The following AATK variants were observed in gnomAD, a reference collection of about 807,000 sequenced individuals.
AATK encodes the protein lemur tail kinase 1, also known as serine/threonine-protein kinase LMTK1.
A neutral mutation model predicts 114.3 loss-of-function variants in AATK; 91 were observed. The ratio of observed to expected loss-of-function variants is 0.80; its 90% confidence interval spans 0.67 to 0.95. The LOEUF (loss-of-function observed/expected upper bound fraction) is 0.95, where lower values mean the gene tolerates loss of function less well. Among genes scored for constraint, AATK ranks in the 40% least tolerant of loss-of-function variants. AATK has a pLI of 0.00. For missense variants in AATK, 2,176 were observed against 1,965.2 expected, an observed-to-expected ratio of 1.11 and a Z score of -2.03; for synonymous variants, 1,075 against 916.5, an observed-to-expected ratio of 1.17 and a Z score of -3.12.
intron 13 of AATK, among the ~76,000 whole-genome samples, 168 bp downstream of exon 13, chr17:81,119,212 G>T (rs1399318465): frequency 6.9e-6 from 1 of 144,650 alleles, no homozygotes; most frequent in South Asian, 2.2e-4. Flanking sequence ...AGGGCCAGGC[G>T]GGGTCCAGGC....
chr17:81,123,225 G>A lies in AATK; in HGVS notation c.1081C>T (p.Pro361Ser). The change falls in exon 10 of 14, where the codon CCC becomes TCC. Residue 361 changes from proline to serine, a missense_variant. Physicochemically the swap from Pro to Ser is moderately conservative, Grantham distance 74. Transcript: ENST00000326724. ...TCCGACAGGGTCAGCTGCAGCTGGG[G>A]CTTGGGCAGCTTGAGCTGCTGCTCC... Reference protein sequence around the residue: ...VREQQLKLPKPQLQLTLSDRW... With the variant: ...VREQQLKLPKSQLQLTLSDRW... The A allele has an allele frequency of 7.0e-7, 1 of 1,422,196 alleles. No homozygotes were observed. The highest frequency in any genetic ancestry group is 9.2e-7 in the Non-Finnish European group (1 of 1,088,778). 88.1% of individuals were successfully genotyped at this position (1,422,196 alleles called of 1,614,324 possible).
chr17:81,151,822 C>T (rs868088279), intron 1 of AATK, among the ~76,000 whole-genome samples: 1 of 152,216 alleles, frequency 6.6e-6, no homozygotes, highest in African/African-American at 2.4e-5. Context: ...GGGAGATGCA[C>T]ATGGTGGCCA....
At position 81,143,210 on chromosome 17, in the gene AATK, C is replaced by T. The variant is rs896945483; in HGVS notation, c.56-8709G>A. ...ACCTGGCTCGATGAGCCCCCACCCC[C>T]GCAACGTGCACACGTCCCAGGCGGA... On this transcript the variant is annotated intron_variant, in intron 1 of 13. Coordinates refer to ENST00000326724, the MANE Select transcript of AATK (RefSeq NM_001080395.3). 5.3e-5 allele frequency among the ~76,000 whole-genome samples: 8 copies of T among 152,046 alleles called. No homozygotes were observed. In the East Asian group the frequency reaches 5.8e-4, roughly 11 times the overall value.
chr17:81,126,047 C>A lies in AATK; in HGVS notation c.755+380G>T, dbSNP rs1199538171. 7 of 483,846 alleles carry A rather than the reference C, an allele frequency of 1.4e-5. No homozygotes were observed. Among genetic ancestry groups the A allele is most frequent in the East Asian group, 6.4e-5 (1 of 15,642 alleles). The allele number at this position is 483,846 out of a possible 1,614,324, so 30.0% of individuals were successfully genotyped here. On this transcript the variant is annotated intron_variant, in intron 7 of 13. Coordinates refer to ENST00000326724, the MANE Select transcript of AATK (RefSeq NM_001080395.3). This position sits in a 1 kb window ranked among gnomAD's most constrained non-coding sequence, Gnocchi z 5.1. ...GGTCCCCAGGGGCTGGGCATCCTGG[C>A]CCAAGCAGGACAGAACCCTCCCTCC...
In AATK at chr17:81,120,823, C is replaced by T. The variant is rs2060689924; in HGVS notation, c.3113G>A (p.Cys1038Tyr). Residue 1038 changes from cysteine to tyrosine, a missense_variant, in exon 11 of 14, where the codon TGT becomes TAT. Cys to Tyr is a radical substitution (Grantham distance 194). This residue lies in a region of AATK where 1,701 missense variants were observed against 1,394.7 expected (regional missense o/e 1.22). Coordinates refer to ENST00000326724, the MANE Select transcript of AATK (RefSeq NM_001080395.3). ...PSTGQPSEQV[C>Y]LRPGVSGEAQ... is the part of the protein sequence containing the mutation. The stretch of plus-strand genomic sequence containing the variant: ...CTCCCCGGAAACCCCAGGCCTGAGA[C>T]AGACCTGCTCAGACGGCTGCCCAGT... 3 of 1,576,102 alleles carry T rather than the reference C, an allele frequency of 1.9e-6. No individual in the cohort carries two copies. Among genetic ancestry groups the T allele is most frequent in the Non-Finnish European group, 2.6e-6 (3 of 1,161,376 alleles).
At chr17:81,136,721 G>T (rs2061015937) in intron 1 of AATK, among the ~76,000 whole-genome samples, 1 of 152,230 alleles carries the variant, frequency 6.6e-6, no homozygotes, top group African/African-American at 2.4e-5. Context: ...CACCAGGCAG[G>T]CCTGCCCATG....
intron 1 of AATK, among the ~76,000 whole-genome samples, chr17:81,147,954 G>A (rs1242140591): frequency 6.7e-6 from 1 of 148,818 alleles, no homozygotes; most frequent in Middle Eastern, 3.4e-3. Flanking sequence ...TAGAATTAGT[G>A]AAATTACACA....
intron 4 of AATK, 95 bp downstream of exon 4, chr17:81,128,375 C>CGGGGCT (rs2060879631): frequency 2.1e-6 from 3 of 1,430,494 alleles, no homozygotes; most frequent in Admixed American, 2.1e-5. Flanking sequence ...AAGGGACCGT[C>CGGGGCT]GGGGCTGGGG....
At position 81,121,829 on chromosome 17, in the gene AATK, C is replaced by A. The variant is rs7503604; in HGVS notation, c.2107G>T (p.Gly703Cys). The change falls in exon 11 of 14, where the codon GGC (glycine) becomes TGC (cysteine). Residue 703 changes from glycine (G) to cysteine (C), a missense_variant. By Grantham distance (159) the Gly-to-Cys change is radical (BLOSUM62 -3). Coordinates refer to ENST00000326724, the MANE Select transcript of AATK (RefSeq NM_001080395.3). Reference sequence around the variant, plus strand: ...GGACTGGGGCAGCCCTCAGCGTGGCCGCCCGCAGAGACGGGGTCCCAGGAC... The same window carrying A: ...GGACTGGGGCAGCCCTCAGCGTGGCAGCCCGCAGAGACGGGGTCCCAGGAC... ...PESWDPVSAG[G>C]HAEGCPSPKQ... 0.52 allele frequency: 825,352 copies of A among 1,588,544 alleles called. 216,097 individuals are homozygous for A. Among genetic ancestry groups the A allele is most frequent in the Admixed American group, 0.66 (39,100 of 58,826 alleles).
chr17:81,158,193 C>T (rs1318331207), intron 1 of AATK, among the ~76,000 whole-genome samples: 1 of 152,232 alleles, frequency 6.6e-6, no homozygotes, highest in African/African-American at 2.4e-5. Context: ...CAGGCTCCAG[C>T]AGCAGCCAAG....
At chr17:81,141,936 C>CT (rs139491079) in intron 1 of AATK, among the ~76,000 whole-genome samples, 1,644 of 63,528 alleles carry the variant, frequency 0.026, 43 homozygotes, top group East Asian at 0.14. Context: ...TCCTTCCTTC[C>CT]TTCCTTCCTT....
At chr17:81,133,600 T>G (rs2060968382) in intron 2 of AATK, among the ~76,000 whole-genome samples, 1 of 152,110 alleles carries the variant, frequency 6.6e-6, no homozygotes, top group African/African-American at 2.4e-5. Context: ...CATTTGCTCA[T>G]CAGCAGGAAT....
chr17:81,164,545 G>A (rs2061463303), intron 1 of AATK, among the ~76,000 whole-genome samples: 1 of 152,204 alleles, frequency 6.6e-6, no homozygotes, highest in South Asian at 2.1e-4. Context: ...CCCAGAGAAG[G>A]GCAGAGCCGG....
chr17:81,122,428 T>G lies in AATK; in HGVS notation c.1508A>C (p.Gln503Pro). 5 of 1,457,064 alleles carry G rather than the reference T, an allele frequency of 3.4e-6. No homozygotes were observed. The South Asian group carries it at 3.9e-5, about 11-fold the overall frequency. The allele number at this position is 1,457,064 out of a possible 1,614,324, so 90.3% of individuals were successfully genotyped here. The change falls in exon 11 of 14, where the codon CAG becomes CCG. Residue 503 changes from glutamine to proline, a missense_variant. By Grantham distance (76) the Gln-to-Pro change is moderately conservative. This residue lies in a region of AATK where 1,701 missense variants were observed against 1,394.7 expected (regional missense o/e 1.22). Transcript: ENST00000326724. ...TLSPGRTARL[Q>P]ELCAPDGAPP... ...CGCGCCGTCGGGGGCGCACAGCTCC[T>G]GCAGGCGTGCGGTGCGGCCAGGGCT...
intron 13 of AATK, 108 bp downstream of exon 13, chr17:81,119,272 G>GGAGCT: frequency 9.0e-7 from 1 of 1,113,588 alleles, no homozygotes; most frequent in Non-Finnish European, 1.2e-6. Flanking sequence ...GGAGCGGAGC[G>GGAGCT]GAGCCGGGGC....
intron 1 of AATK, among the ~76,000 whole-genome samples, chr17:81,152,706 C>T (rs577315675): frequency 9.8e-5 from 15 of 152,318 alleles, no homozygotes; most frequent in African/African-American, 3.1e-4. Context: ...AAAGCACACT[C>T]GGCGGTGAGC....
rs754645010 is a variant in AATK, at chr17:81,131,121, C to T, written c.274G>A (p.Val92Met). Residue 92 changes from valine to methionine, a missense_variant, in exon 3 of 14, where the codon GTG becomes ATG. Val to Met is a conservative substitution (Grantham distance 21, BLOSUM62 1). This residue lies in a region of AATK where 178 missense variants were observed against 175.4 expected (regional missense o/e 1.01). Coordinates refer to ENST00000326724, the MANE Select transcript of AATK (RefSeq NM_001080395.3). ...ACCTCCGTGAGTGGCAGGACGTACACGTCGGGCCCGTTCTGTGCTGCCGTG... is the reference window on the plus strand; with the variant it reads ...ACCTCCGTGAGTGGCAGGACGTACATGTCGGGCCCGTTCTGTGCTGCCGTG... ...PATAAQNGPD[V>M]YVLPLTEVSL... 5.8e-6 allele frequency: 9 copies of T among 1,562,932 alleles called. No individual in the cohort carries two copies. The highest frequency in any genetic ancestry group is 1.9e-5 in the Admixed American group (1 of 53,482).
intron 1 of AATK, among the ~76,000 whole-genome samples, chr17:81,146,862 A>G (rs1312374090): frequency 7.3e-5 from 11 of 151,186 alleles, no homozygotes; most frequent in Non-Finnish European, 1.6e-4. Flanking sequence ...CCGGCTGCCC[A>G]GGCCGTTTGG....
chr17:81,154,846 T>G (rs58522666), intron 1 of AATK, among the ~76,000 whole-genome samples: 17,975 of 141,234 alleles, frequency 0.13, 2,135 homozygotes, highest in African/African-American at 0.28. Context: ...GCCAGGCTGG[T>G]CTCAAACTCC....
Sources: allele counts gnomAD v4.1 joint callset (sites outside exome capture counted in the v4.1 genomes callset), GRCh38; gene constraint gnomAD v4.1.1; regional missense constraint gnomAD v4.1.1; non-coding constraint Gnocchi (gnomAD v3.1); transcripts MANE v1.5; gene names NCBI Gene and HGNC (gene_info 2026-07-23, HGNC 2026-07-21).